The following VAV1 variants were observed in gnomAD, a reference collection of about 807,000 sequenced individuals.
The protein encoded by VAV1 is vav guanine nucleotide exchange factor 1.
In VAV1, 33 loss-of-function variants were observed where a neutral mutation model predicts 128.1. The observed-to-expected ratio is 0.26, with a 90% CI of 0.20 to 0.34. The LOEUF (loss-of-function observed/expected upper bound fraction) is 0.34. Ranked by LOEUF, VAV1 falls within the 10% of genes least tolerant of loss-of-function variation. The pLI is 1.00. For synonymous variants in VAV1, 394 were observed against 409.8 expected (o/e 0.96, Z 0.47); for missense variants, 715 against 1,093.7 (o/e 0.65, Z 4.88).
At chr19:6,782,549 T>C (rs1426578946) in intron 1 of VAV1, among the ~76,000 whole-genome samples, 1 of 152,146 alleles carries the variant, frequency 6.6e-6, no homozygotes, top group Non-Finnish European at 1.5e-5. Flanking sequence ...GGCAATGGTA[T>C]ATAAGTCAGG....
Position 6,820,711 on chromosome 19 carries a change from C to T in VAV1, c.214C>T (p.Leu72Phe), listed in dbSNP as rs1971760485. Residue 72 changes from leucine (L) to phenylalanine (F), a missense_variant, in exon 2 of 27, where the codon CTT (leucine) becomes TTT (phenylalanine). Leu to Phe is a conservative substitution (Grantham distance 22). Around this residue, in one of 3 missense-constraint regions of VAV1, gnomAD observed 302 missense variants for 477.8 expected, o/e 0.63. Transcript: ENST00000602142. This position sits in a 1 kb window ranked among gnomAD's most constrained non-coding sequence, Gnocchi z 4.4. The part of the protein sequence containing the change: ...LRPQMSQFLC[L>F]KNIRTFLSTC... ...CTCTGTCTCCTCACAGTTCCTGTGC[C>T]TTAAGAACATTAGAACCTTCCTGTC... 6.2e-7 allele frequency: 1 copy of T among 1,614,016 alleles called. No homozygotes were observed. Among genetic ancestry groups the T allele is most frequent in the Non-Finnish European group, 8.5e-7 (1 of 1,180,018 alleles).
chr19:6,837,191 A>G, intron 21 of VAV1, 141 bp downstream of exon 21: 1 of 776,082 alleles, frequency 1.3e-6, no homozygotes, highest in Non-Finnish European at 2.1e-6. Context: ...TCAAGGCTTC[A>G]CCCACCCCAC....
At chr19:6,838,817 C>T (rs1054804118) in intron 21 of VAV1, among the ~76,000 whole-genome samples, 13 of 152,100 alleles carry the variant, frequency 8.5e-5, no homozygotes, top group African/African-American at 3.1e-4. Flanking sequence ...CAGCCTTGAC[C>T]TCCTGGGCTC....
chr19:6,845,996 C>A (rs1291404207), intron 22 of VAV1, among the ~76,000 whole-genome samples: 4 of 148,192 alleles, frequency 2.7e-5, no homozygotes, highest in African/African-American at 9.8e-5. Context: ...TATACTGTAG[C>A]TTTATATATT....
chr19:6,824,404 T>C (rs1377735860), intron 6 of VAV1, among the ~76,000 whole-genome samples: 2 of 152,368 alleles, frequency 1.3e-5, no homozygotes, highest in East Asian at 3.9e-4. Context: ...TCACATACTA[T>C]GTGGTTTATA....
intron 1 of VAV1, among the ~76,000 whole-genome samples, chr19:6,795,159 A>G (rs79464105): frequency 0.018 from 2,685 of 152,292 alleles, 32 homozygotes; most frequent in South Asian, 0.06. Context: ...ACAAGAAGCC[A>G]TACCCTGGCT....
intron 1 of VAV1, among the ~76,000 whole-genome samples, chr19:6,780,009 G>A (rs1970731325): frequency 6.7e-6 from 1 of 148,738 alleles, no homozygotes; most frequent in Non-Finnish European, 1.5e-5. Flanking sequence ...TACTCGGGAG[G>A]CTGAAGCAGG....
intron 1 of VAV1, chr19:6,816,464 A>C (rs115888671): frequency 6.9e-6 from 1 of 144,774 alleles, no homozygotes; most frequent in Non-Finnish European, 1.5e-5. Context: ...TCCAGCCTGG[A>C]CAACAGAGTG....
At chr19:6,806,630 T>G (rs1473627694) in intron 1 of VAV1, among the ~76,000 whole-genome samples, 3 of 152,078 alleles carry the variant, frequency 2.0e-5, no homozygotes, top group Non-Finnish European at 4.4e-5. Context: ...GGAGAGTAAA[T>G]CACTGTCCCA....
Position 6,829,768 on chromosome 19 carries a change from C to T in VAV1, c.1266-18C>T. 6.2e-7 allele frequency: 1 copy of T among 1,613,768 alleles called. No homozygotes were observed. The highest frequency in any genetic ancestry group is 2.2e-5 in the East Asian group (1 of 44,872). On this transcript the variant is annotated intron_variant, in intron 13 of 26. Coordinates refer to ENST00000602142, the MANE Select transcript of VAV1 (RefSeq NM_005428.4). The stretch of plus-strand genomic sequence containing the variant: ...AGTTGGGAAGAGCCAGACAGGAATG[C>T]GTTATCCATCCTTCCAGGTATGCCT...
At chr19:6,842,144 C>T (rs1282510344) in intron 21 of VAV1, among the ~76,000 whole-genome samples, 4 of 152,010 alleles carry the variant, frequency 2.6e-5, no homozygotes, top group Non-Finnish European at 5.9e-5. Flanking sequence ...GCAGGAGAAT[C>T]GCTGGAACCT....
intron 1 of VAV1, 52 bp downstream of exon 1, chr19:6,773,063 C>A (rs185005274): frequency 1.2e-6 from 2 of 1,606,418 alleles, no homozygotes; most frequent in South Asian, 1.1e-5. Context: ...GGGTCCTCCC[C>A]GGGGCTGACA....
intron 1 of VAV1, among the ~76,000 whole-genome samples, chr19:6,798,666 C>CCA (rs1555699519): frequency 6.6e-6 from 1 of 151,472 alleles, no homozygotes; most frequent in African/African-American, 2.4e-5. Context: ...CCTTCCCCCC[C>CCA]CCACCCAAAA....
intron 1 of VAV1, among the ~76,000 whole-genome samples, chr19:6,802,017 G>A (rs1971283934): frequency 1.1e-5 from 1 of 92,398 alleles, no homozygotes; most frequent in African/African-American, 3.6e-5. Flanking sequence ...CCCCCAGCAG[G>A]GAGGAACCGT....
chr19:6,819,211 A>G (rs963146189), intron 1 of VAV1, among the ~76,000 whole-genome samples: 1 of 152,240 alleles, frequency 6.6e-6, no homozygotes, highest in Non-Finnish European at 1.5e-5. Context: ...TTTTGATTCA[A>G]CAAGTTCAAA....
In VAV1 at chr19:6,822,800, T is replaced by C. The variant is rs1197512828; in HGVS notation, c.654+286T>C. Among the ~76,000 whole-genome samples the C allele has an allele frequency of 2.0e-5, 3 of 147,404 alleles. No homozygotes were observed. Among genetic ancestry groups the C allele is most frequent in the South Asian group, 4.2e-4 (2 of 4,766 alleles). ...CAAAATAAATACAAAATCAAAAATA[T>C]ATAAATATATTAAACATATACATAA... On this transcript the variant is annotated intron_variant, in intron 6 of 26. Transcript: ENST00000602142. The surrounding 1 kb of genome is among the most constrained non-coding windows in gnomAD (Gnocchi z 5.9).
intron 21 of VAV1, 22 bp from the exon 22 acceptor site, chr19:6,843,113 G>A (rs761755235): frequency 2.9e-5 from 46 of 1,613,782 alleles, no homozygotes; most frequent in Non-Finnish European, 3.8e-5. Context: ...CACTAAGTTG[G>A]GGTCTCTCTC....
rs767609986 is a variant in VAV1, at chr19:6,772,888, G to T, written c.81G>T (p.Gly27=). ...LPPSHRVTWD[G]AQVCELAQAL... ...CCAGCCACCGCGTGACCTGGGATGG[G>T]GCTCAGGTGTGTGAACTGGCCCAGG... is the stretch of plus-strand genomic sequence containing the variant. Residue 27 remains glycine (G), a synonymous_variant, in exon 1 of 27, where the codon GGG becomes GGT. Coordinates refer to ENST00000602142, the MANE Select transcript of VAV1 (RefSeq NM_005428.4). The surrounding 1 kb of genome is among the most constrained non-coding windows in gnomAD (Gnocchi z 4.8). 12 of 1,614,016 alleles carry T rather than the reference G, an allele frequency of 7.4e-6. No individual in the cohort carries two copies. The highest frequency in any genetic ancestry group is 1.0e-5 in the Non-Finnish European group (12 of 1,180,004).
chr19:6,844,328 C>T (rs1167104241), intron 22 of VAV1, among the ~76,000 whole-genome samples: 1 of 151,922 alleles, frequency 6.6e-6, no homozygotes, highest in African/African-American at 2.4e-5. Context: ...AAGCGATTCT[C>T]CTGCCTCAGC....
Sources: gnomAD v4.1 joint callset for allele counts (sites outside exome capture counted in the v4.1 genomes callset) on GRCh38, gnomAD v4.1.1 for gene constraint, gnomAD v4.1.1 regional missense constraint, Gnocchi (gnomAD v3.1) non-coding constraint, MANE v1.5 for transcripts, NCBI Gene and HGNC (gene_info 2026-07-23, HGNC 2026-07-21) for gene names.